Variants in LRRC4B observed in about 807,000 individuals in gnomAD.
LRRC4B encodes the protein leucine rich repeat containing 4B.
A neutral mutation model predicts 7.3 loss-of-function variants in LRRC4B; 1 was observed. That is an observed-to-expected ratio of 0.14 (90% CI 0.05 to 0.65). The LOEUF is 0.65. LRRC4B is among the 30% of genes least tolerant of loss of function. LRRC4B has a pLI of 0.84. For synonymous variants in LRRC4B, 500 were observed against 499.2 expected (o/e 1.00, Z -0.02); for missense variants, 730 against 1,041.6 (o/e 0.70, Z 4.12).
In LRRC4B at chr19:50,555,582, G is replaced by A. The variant is rs746903731; in HGVS notation, c.-35-6709C>T. On this transcript the variant is annotated intron_variant, in intron 1 of 2. Transcript: ENST00000652263. The surrounding 1 kb of genome is among the most constrained non-coding windows in gnomAD (Gnocchi z 5.2). Reference sequence around the variant, plus strand: ...GCGAAGGCAGAGGCTGGGAGGGCCCGGGCACTCGAGGCGTGAAGCTGAGTC... The same window carrying A: ...GCGAAGGCAGAGGCTGGGAGGGCCCAGGCACTCGAGGCGTGAAGCTGAGTC... 4.1e-4 allele frequency: 63 copies of A among 152,676 alleles called. No homozygotes were observed. The highest frequency in any genetic ancestry group is 7.9e-4 in the Non-Finnish European group (54 of 68,320). The allele number at this position is 152,676 out of a possible 1,614,324, so 9.5% of individuals were successfully genotyped here. A position where few individuals can be genotyped will look rare whatever the true frequency, so the allele number is the denominator to read the frequency against.
rs1411065128 is a variant in LRRC4B, at chr19:50,568,148, G to C, written c.-240C>G. On this transcript the variant is annotated 5_prime_UTR_variant, in exon 1 of 3. Transcript: ENST00000652263. ...GGGGCTTCCGCAGCGGCGGCGGTGGGGCTGGGGGGGCCGCTCTGCCTCCTC... is the reference window on the plus strand; with the variant it reads ...GGGGCTTCCGCAGCGGCGGCGGTGGCGCTGGGGGGGCCGCTCTGCCTCCTC... The C allele has an allele frequency of 2.0e-5, 3 of 152,168 alleles. No homozygotes were observed. The highest frequency in any genetic ancestry group is 6.6e-5 in the Admixed American group (1 of 15,236). 9.4% of individuals were successfully genotyped at this position (152,168 alleles called of 1,614,324 possible). A position where few individuals can be genotyped will look rare whatever the true frequency, so the allele number is the denominator to read the frequency against.
chr19:50,539,428 A>G (rs1408964328), intron 2 of LRRC4B, among the ~76,000 whole-genome samples: 1 of 152,230 alleles, frequency 6.6e-6, no homozygotes, highest in Admixed American at 6.5e-5. Flanking sequence ...AAATGGGGTT[A>G]GATGAGCGCT....
At position 50,557,936 on chromosome 19, in the gene LRRC4B, G is replaced by A. The variant is rs1982333547; in HGVS notation, c.-35-9063C>T. On this transcript the variant is annotated intron_variant, in intron 1 of 2. Transcript: ENST00000652263. ...GTTACGATGATACACTCCACTTAGT[G>A]GCTAGTAAATGTATTTTCTCTTCCT... 2.0e-5 allele frequency: 3 copies of A among 152,120 alleles called. 1 individual carries two copies. Among genetic ancestry groups the A allele is most frequent in the African/African-American group, 7.2e-5 (3 of 41,410 alleles). 9.4% of individuals were successfully genotyped at this position (152,120 alleles called of 1,614,324 possible).
Position 50,548,996 on chromosome 19 carries a change from GA to G in LRRC4B, c.-35-124del. On this transcript the variant is annotated intron_variant, in intron 1 of 2. Coordinates refer to ENST00000652263, the MANE Select transcript of LRRC4B (RefSeq NM_001080457.2). The surrounding 1 kb of genome is among the most constrained non-coding windows in gnomAD (Gnocchi z 6.8). ...CCCTGCCCCATGCCCAGAACAAAGG[GA>G]CAGGGAGGGAGACAGCTGCCGATGG... is the stretch of plus-strand genomic sequence containing the variant. The G allele has an allele frequency of 1.7e-6, 1 of 595,826 alleles. No individual in the cohort carries two copies. Among genetic ancestry groups the G allele is most frequent in the South Asian group, 2.1e-5 (1 of 47,002 alleles). The allele number at this position is 595,826 out of a possible 1,614,324, so 36.9% of individuals were successfully genotyped here.
chr19:50,562,757 G>C (rs79739031), intron 1 of LRRC4B, among the ~76,000 whole-genome samples: 7 of 131,334 alleles, frequency 5.3e-5, no homozygotes, highest in Non-Finnish European at 6.6e-5. Flanking sequence ...TTTTTTTTTG[G>C]CGATGGAGTT....
intron 2 of LRRC4B, among the ~76,000 whole-genome samples, chr19:50,547,231 T>C (rs1360545736): frequency 2.0e-5 from 3 of 151,974 alleles, no homozygotes; most frequent in Non-Finnish European, 4.4e-5. Context: ...GACAAGGCCC[T>C]GCGGGAGCGG....
At chr19:50,522,938 T>C (rs1428512082) in intron 2 of LRRC4B, among the ~76,000 whole-genome samples, 2 of 152,272 alleles carry the variant, frequency 1.3e-5, no homozygotes, top group African/African-American at 2.4e-5. Context: ...CTCAAGAGTT[T>C]CACACGAAGG....
At chr19:50,541,844 G>A (rs1209714362) in intron 2 of LRRC4B, among the ~76,000 whole-genome samples, 1 of 152,152 alleles carries the variant, frequency 6.6e-6, no homozygotes, top group Non-Finnish European at 1.5e-5. Flanking sequence ...TTGCGGTGGG[G>A]CAGCTAGAAG....
At chr19:50,524,539 C>T (rs1451491935) in intron 2 of LRRC4B, among the ~76,000 whole-genome samples, 2 of 152,164 alleles carry the variant, frequency 1.3e-5, no homozygotes, top group East Asian at 3.9e-4. Context: ...TAGGTGTGAG[C>T]CACCACACCC....
Position 50,518,610 on chromosome 19 carries a change from T to C in LRRC4B, c.1103A>G (p.Glu368Gly). 1 of 1,602,210 alleles carries C rather than the reference T, an allele frequency of 6.2e-7. No homozygotes were observed. Among genetic ancestry groups the C allele is most frequent in the Non-Finnish European group, 8.5e-7 (1 of 1,172,108 alleles). ...HFTCYAPVIV[E>G]PPTDLNVTEG... The stretch of plus-strand genomic sequence containing the variant: ...GGTGACGTTGAGGTCCGTGGGCGGC[T>C]CCACGATGACGGGCGCATAGCAGGT... The change falls in exon 3 of 3, where the codon GAG (glutamate) becomes GGG (glycine). Residue 368 changes from glutamate to glycine, a missense_variant. Around this residue, in one of 6 missense-constraint regions of LRRC4B, gnomAD observed 226 missense variants for 448.0 expected, o/e 0.50. Transcript: ENST00000652263.
chr19:50,547,189 G>A (rs1174395124), intron 2 of LRRC4B, among the ~76,000 whole-genome samples: 3 of 152,162 alleles, frequency 2.0e-5, no homozygotes, highest in East Asian at 3.9e-4. Context: ...TGGCAGACAT[G>A]GGAGCCTGTG....
At position 50,563,883 on chromosome 19, in the gene LRRC4B, C is replaced by A. The variant is rs1439658442; in HGVS notation, c.-36+4061G>T. Among the ~76,000 whole-genome samples, 1 of 152,142 alleles carries A rather than the reference C, an allele frequency of 6.6e-6. No individual in the cohort carries two copies. Among genetic ancestry groups the A allele is most frequent in the Non-Finnish European group, 1.5e-5 (1 of 68,020 alleles). On this transcript the variant is annotated intron_variant, in intron 1 of 2. Coordinates refer to ENST00000652263, the MANE Select transcript of LRRC4B (RefSeq NM_001080457.2). The surrounding 1 kb of genome is among the most constrained non-coding windows in gnomAD (Gnocchi z 4.9). ...TCTCCCAGAGAAGGATAAGACTCTT[C>A]CTGCTCTCGGCAAGGGAAGGAGGCC...
At chr19:50,540,569 T>G (rs1251788213) in intron 2 of LRRC4B, among the ~76,000 whole-genome samples, 1 of 152,034 alleles carries the variant, frequency 6.6e-6, no homozygotes, top group Non-Finnish European at 1.5e-5. Context: ...TTGGCCAGGC[T>G]GGTCTCGAAC....
intron 2 of LRRC4B, among the ~76,000 whole-genome samples, chr19:50,542,108 A>C (rs1327008322): frequency 6.6e-6 from 1 of 152,246 alleles, no homozygotes; most frequent in East Asian, 1.9e-4. Context: ...ACACAAGCAA[A>C]AAATCCACAG....
intron 2 of LRRC4B, among the ~76,000 whole-genome samples, chr19:50,544,669 A>G (rs1190431406): frequency 6.6e-6 from 1 of 152,168 alleles, no homozygotes; most frequent in Non-Finnish European, 1.5e-5. Flanking sequence ...TGGCTGTGGG[A>G]TTATGGTTGG....
At chr19:50,520,704 A>G (rs990210005) in intron 2 of LRRC4B, among the ~76,000 whole-genome samples, 2 of 152,138 alleles carry the variant, frequency 1.3e-5, no homozygotes, top group African/African-American at 4.8e-5. Flanking sequence ...TGGGAGGCCA[A>G]GGTGAGAGGA....
chr19:50,544,356 A>T (rs1981701588), intron 2 of LRRC4B, among the ~76,000 whole-genome samples: 1 of 151,000 alleles, frequency 6.6e-6, no homozygotes, highest in Admixed American at 6.6e-5. Flanking sequence ...AATACAAAAA[A>T]ATTAGCTGGG....
chr19:50,558,274 C>T (rs1222724409), intron 1 of LRRC4B, among the ~76,000 whole-genome samples: 1 of 151,860 alleles, frequency 6.6e-6, no homozygotes, highest in African/African-American at 2.4e-5. Context: ...ACACAAATTT[C>T]TGCTGGAGTG....
rs1046307470 is a variant in LRRC4B, at chr19:50,548,231, C to G, written c.297+311G>C. 1.3e-5 allele frequency among the ~76,000 whole-genome samples: 2 copies of G among 152,186 alleles called. No individual in the cohort carries two copies. The highest frequency in any genetic ancestry group is 2.9e-5 in the Non-Finnish European group (2 of 68,014). On this transcript the variant is annotated intron_variant, in intron 2 of 2. Coordinates refer to ENST00000652263, the MANE Select transcript of LRRC4B (RefSeq NM_001080457.2). The surrounding 1 kb of genome is among the most constrained non-coding windows in gnomAD (Gnocchi z 6.8). Reference sequence around the variant, plus strand: ...CTGTGAAAGGGTTGCTCTCCACACCCCAGGGACTCCAGGGCTCGGCCTAGG... The same window carrying G: ...CTGTGAAAGGGTTGCTCTCCACACCGCAGGGACTCCAGGGCTCGGCCTAGG...
Sources: allele counts gnomAD v4.1 joint callset (sites outside exome capture counted in the v4.1 genomes callset), GRCh38; gene constraint gnomAD v4.1.1; regional missense constraint gnomAD v4.1.1; non-coding constraint Gnocchi (gnomAD v3.1); transcripts MANE v1.5; gene names NCBI Gene and HGNC (gene_info 2026-07-23, HGNC 2026-07-21).